The following TBC1D5 variants were observed in gnomAD, a reference collection of about 807,000 sequenced individuals.
The protein encoded by TBC1D5 is TBC1 domain family, member 5.
A neutral mutation model predicts 100.3 loss-of-function variants in TBC1D5; 75 were observed. That is an observed-to-expected ratio of 0.75 (90% CI 0.62 to 0.91). The LOEUF is 0.91. Among genes scored for constraint, TBC1D5 ranks in the 40% least tolerant of loss-of-function variants. TBC1D5 has a pLI of 0.00. For missense variants in TBC1D5, 910 were observed against 942.4 expected, an observed-to-expected ratio of 0.97 and a Z score of 0.45; for synonymous variants, 323 against 325.6, an observed-to-expected ratio of 0.99 and a Z score of 0.09.
chr3:17,231,350 T>A (rs923482377), intron 17 of TBC1D5, among the ~76,000 whole-genome samples: 20 of 152,136 alleles, frequency 1.3e-4, no homozygotes, highest in Admixed American at 5.9e-4. Flanking sequence ...CTGCAAGATA[T>A]AAAATGAAAT....
intron 21 of TBC1D5, among the ~76,000 whole-genome samples, chr3:17,165,019 G>A (rs1334819839): frequency 1.3e-5 from 2 of 152,188 alleles, no homozygotes; most frequent in Non-Finnish European, 2.9e-5. Context: ...CACTTGTGGG[G>A]TCTTCAGCCC....
intron 1 of TBC1D5, among the ~76,000 whole-genome samples, chr3:17,700,474 C>G (rs2072990374): frequency 6.6e-6 from 1 of 152,140 alleles, no homozygotes; most frequent in South Asian, 2.1e-4. Context: ...CCAAAATTGA[C>G]AAATGGGATC....
In TBC1D5 at chr3:17,463,333, C is replaced by A. The variant is rs550371142; in HGVS notation, c.98-34814G>T. ...TAACTTGCTGATATTTATTTGCCTACTTCTGGGTTCCATTGGATTGGATAC... is the reference window on the plus strand; with the variant it reads ...TAACTTGCTGATATTTATTTGCCTAATTCTGGGTTCCATTGGATTGGATAC... On this transcript the variant is annotated intron_variant, in intron 3 of 21. Coordinates refer to ENST00000253692, the Ensembl canonical transcript of TBC1D5. Among the ~76,000 whole-genome samples, 530 of 152,266 alleles carry A rather than the reference C, an allele frequency of 3.5e-3. 4 individuals are homozygous for A. The highest frequency in any genetic ancestry group is 0.012 in the African/African-American group (502 of 41,550).
intron 2 of TBC1D5, among the ~76,000 whole-genome samples, chr3:17,567,547 C>A (rs140757407): frequency 1.2e-3 from 177 of 151,854 alleles, no homozygotes; most frequent in African/African-American, 3.9e-3. Context: ...AATTAACTTT[C>A]CTTCTCGATC....
intron 8 of TBC1D5, among the ~76,000 whole-genome samples, chr3:17,384,230 CA>C (rs2152243356): frequency 6.6e-6 from 1 of 152,156 alleles, no homozygotes; most frequent in Admixed American, 6.6e-5. Context: ...AACATATTCA[CA>C]TTTCAAATTT....
chr3:17,587,115 T>G (rs1264859968), intron 2 of TBC1D5, among the ~76,000 whole-genome samples: 1 of 152,030 alleles, frequency 6.6e-6, no homozygotes, highest in Non-Finnish European at 1.5e-5. Flanking sequence ...TTTCACAGCC[T>G]TTTTCTAAAG....
chr3:17,250,026 C>T (rs1048524395), intron 16 of TBC1D5, among the ~76,000 whole-genome samples: 8 of 152,164 alleles, frequency 5.3e-5, no homozygotes, highest in African/African-American at 9.7e-5. Flanking sequence ...AAAAACAGTG[C>T]TGATGGACTT....
chr3:17,200,522 C>A (rs1485989215), intron 18 of TBC1D5, among the ~76,000 whole-genome samples: 2 of 152,244 alleles, frequency 1.3e-5, no homozygotes, highest in African/African-American at 4.8e-5. Context: ...TGAGGTGGAA[C>A]AGGGAACCTG....
chr3:17,681,862 C>T (rs571440158), intron 1 of TBC1D5, among the ~76,000 whole-genome samples: 19 of 151,622 alleles, frequency 1.3e-4, no homozygotes, highest in African/African-American at 3.4e-4. Flanking sequence ...CCTCATCAGT[C>T]GCATGACTTA....
chr3:17,509,359 C>T (rs962857042), intron 2 of TBC1D5, among the ~76,000 whole-genome samples: 3 of 151,694 alleles, frequency 2.0e-5, no homozygotes, highest in Non-Finnish European at 4.4e-5. Context: ...TGATTATTTC[C>T]TTAGGATAAA....
At position 17,582,896 on chromosome 3, in the gene TBC1D5, T is replaced by C. The variant is rs527645276; in HGVS notation, c.-36+40953A>G. Reference sequence around the variant, plus strand: ...GAAACCTTTTATTCTGGGAAAAATATGTTCACTGGTCAGGTAATTCTGGAG... The same window carrying C: ...GAAACCTTTTATTCTGGGAAAAATACGTTCACTGGTCAGGTAATTCTGGAG... On this transcript the variant is annotated intron_variant, in intron 2 of 21. Transcript: ENST00000253692. Among the ~76,000 whole-genome samples, 108 of 152,230 alleles carry C rather than the reference T, an allele frequency of 7.1e-4. 1 individual carries two copies. Among genetic ancestry groups the C allele is most frequent in the African/African-American group, 2.5e-3 (103 of 41,558 alleles).
At chr3:17,645,891 C>T (rs987168522) in intron 1 of TBC1D5, among the ~76,000 whole-genome samples, 3 of 152,138 alleles carry the variant, frequency 2.0e-5, no homozygotes, top group Non-Finnish European at 2.9e-5. Context: ...TCATGTCTCT[C>T]TTTCCCCTTC....
intron 16 of TBC1D5, among the ~76,000 whole-genome samples, chr3:17,238,702 C>T (rs2076074563): frequency 6.6e-6 from 1 of 152,146 alleles, no homozygotes; most frequent in Admixed American, 6.5e-5. Flanking sequence ...CCAAAATAGA[C>T]ACAGTTCCCT....
chr3:17,416,310 A>C (rs1307789471), intron 4 of TBC1D5, among the ~76,000 whole-genome samples: 2 of 152,242 alleles, frequency 1.3e-5, no homozygotes, highest in Non-Finnish European at 2.9e-5. Context: ...GTTACTAAGC[A>C]GTTAAAACAT....
chr3:17,598,710 T>C (rs1405233972), intron 2 of TBC1D5, among the ~76,000 whole-genome samples: 1 of 152,202 alleles, frequency 6.6e-6, no homozygotes, highest in Non-Finnish European at 1.5e-5. Flanking sequence ...CTTTACTTCT[T>C]AGAAAATAAG....
intron 2 of TBC1D5, among the ~76,000 whole-genome samples, chr3:17,600,833 A>G (rs181096916): frequency 0.02 from 2,965 of 151,358 alleles, 50 homozygotes; most frequent in South Asian, 0.046. Flanking sequence ...CGGGCGGGGG[A>G]AAAAAACTGC....
At chr3:17,595,869 A>T (rs76190492) in intron 2 of TBC1D5, among the ~76,000 whole-genome samples, 2,521 of 152,258 alleles carry the variant, frequency 0.017, 53 homozygotes, top group South Asian at 0.048. Flanking sequence ...CACCAGTAAT[A>T]CCTACCTTGC....
At chr3:17,312,730 T>C (rs1231178087) in intron 13 of TBC1D5, among the ~76,000 whole-genome samples, 1 of 152,182 alleles carries the variant, frequency 6.6e-6, no homozygotes, top group Non-Finnish European at 1.5e-5. Flanking sequence ...TACCACCCAT[T>C]CCTACTGTAA....
chr3:17,327,981 A>C (rs532401816), intron 13 of TBC1D5, among the ~76,000 whole-genome samples: 37 of 152,194 alleles, frequency 2.4e-4, no homozygotes, highest in African/African-American at 7.9e-4. Flanking sequence ...AAAACCCTCT[A>C]TTTCTTGCCA....
Sources: gnomAD v4.1 joint callset for allele counts (sites outside exome capture counted in the v4.1 genomes callset) on GRCh38, gnomAD v4.1.1 for gene constraint, MANE v1.5 for transcripts, NCBI Gene and HGNC (gene_info 2026-07-23, HGNC 2026-07-21) for gene names.